TENM4: variants seen among roughly 807,000 people sequenced by gnomAD.
The protein encoded by TENM4 is teneurin transmembrane protein 4.
TENM4 carries 82 observed loss-of-function variants against 243.3 expected under a neutral mutation model. The observed-to-expected ratio is 0.34, with a 90% CI of 0.28 to 0.40. TENM4 has a LOEUF of 0.40. Ranked by LOEUF, TENM4 falls within the 10% of genes least tolerant of loss-of-function variation. TENM4 has a pLI of 1.00. For missense variants in TENM4, 3,138 were observed against 3,673.3 expected (o/e 0.85, Z 3.77); for synonymous variants, 1,412 against 1,456.3 (o/e 0.97, Z 0.69).
At chr11:78,756,561 C>T (rs1856309708) in intron 19 of TENM4, 1 of 496,168 alleles carries the variant, frequency 2.0e-6, no homozygotes, top group Admixed American at 3.3e-5. Flanking sequence ...TTCTCACTGT[C>T]TTCATCTGTC....
intron 7 of TENM4, among the ~76,000 whole-genome samples, chr11:78,901,582 G>T (rs1030016289): frequency 1.3e-5 from 2 of 152,122 alleles, no homozygotes; most frequent in Non-Finnish European, 2.9e-5. Context: ...ATCCTAAGTG[G>T]GAAAGATGAA....
chr11:79,228,646 G>GA (rs139884843), intron 2 of TENM4, among the ~76,000 whole-genome samples: 52 of 145,686 alleles, frequency 3.6e-4, no homozygotes, highest in East Asian at 6.0e-4. Flanking sequence ...TTCTGGAGAC[G>GA]AAAAAAAAAA....
chr11:78,903,184 T>C, intron 7 of TENM4, 84 bp downstream of exon 7: 1 of 1,426,940 alleles, frequency 7.0e-7, no homozygotes, highest in Non-Finnish European at 9.2e-7. Flanking sequence ...CTGGGGACAC[T>C]GAATGGCCCC....
intron 31 of TENM4, among the ~76,000 whole-genome samples, chr11:78,671,211 T>A (rs7108425): frequency 0.64 from 97,091 of 151,984 alleles, 31,946 homozygotes; most frequent in Non-Finnish European, 0.7. Flanking sequence ...CTAACAATAG[T>A]CTCCTTGTGT....
intron 18 of TENM4, among the ~76,000 whole-genome samples, chr11:78,767,297 G>A (rs980160244): frequency 2.0e-5 from 3 of 152,134 alleles, no homozygotes; most frequent in Non-Finnish European, 4.4e-5. Flanking sequence ...GGATAATAAG[G>A]CCACATTCCT....
At chr11:78,714,914 G>T (rs1017002945) in intron 25 of TENM4, among the ~76,000 whole-genome samples, 2 of 152,166 alleles carry the variant, frequency 1.3e-5, no homozygotes, top group African/African-American at 4.8e-5. Flanking sequence ...ATAATGCTGT[G>T]ACTGTTCATT....
intron 26 of TENM4, 149 bp from the exon 27 acceptor site, chr11:78,708,664 A>C (rs992919299): frequency 5.3e-5 from 51 of 968,260 alleles, no homozygotes; most frequent in East Asian, 4.5e-4. Context: ...AAAGAGGAGG[A>C]GTCTCAGGCT....
intron 1 of TENM4, among the ~76,000 whole-genome samples, chr11:79,358,667 C>T (rs1398863528): frequency 6.8e-6 from 1 of 146,038 alleles, no homozygotes; most frequent in East Asian, 2.0e-4. Flanking sequence ...TCTTTCTTCC[C>T]TTCTCCTTCC....
At chr11:79,198,172 C>A (rs953092971) in intron 3 of TENM4, among the ~76,000 whole-genome samples, 2 of 152,214 alleles carry the variant, frequency 1.3e-5, no homozygotes, top group African/African-American at 4.8e-5. Flanking sequence ...CTGCCCTAAT[C>A]TTTAGTTTCT....
chr11:78,934,058 C>T (rs1276098164), intron 6 of TENM4, among the ~76,000 whole-genome samples: 1 of 152,098 alleles, frequency 6.6e-6, no homozygotes, highest in Non-Finnish European at 1.5e-5. Flanking sequence ...GGGCAGTACT[C>T]AGGGCAGTAT....
intron 6 of TENM4, among the ~76,000 whole-genome samples, chr11:78,926,714 C>T (rs1452404858): frequency 2.1e-5 from 3 of 142,338 alleles, no homozygotes; most frequent in African/African-American, 8.3e-5. Flanking sequence ...ATAGCTTTAA[C>T]ATGAGATTTG....
intron 1 of TENM4, among the ~76,000 whole-genome samples, chr11:79,390,682 G>A (rs1271568974): frequency 6.6e-6 from 1 of 152,172 alleles, no homozygotes; most frequent in African/African-American, 2.4e-5. Flanking sequence ...TTCTCAGAAT[G>A]CCACATTAGT....
At position 78,702,027 on chromosome 11, in the gene TENM4, C is replaced by G; in HGVS notation, c.4586G>C (p.Gly1529Ala). The change falls in exon 28 of 34, where the codon GGT (glycine) becomes GCT (alanine). Residue 1529 changes from glycine to alanine, a missense_variant. By Grantham distance (60) the Gly-to-Ala change is moderately conservative. Transcript: ENST00000278550. ...ANCDCFSGDD[G>A]YAKDAKLNTP... is the part of the protein sequence containing the mutation. ...ATTTAACTTTGCATCCTTGGCATAA[C>G]CATCGTCTCCAGAAAAACAATCACA... The G allele has an allele frequency of 6.2e-7, 1 of 1,613,876 alleles. No individual in the cohort carries two copies. Among genetic ancestry groups the G allele is most frequent in the South Asian group, 1.1e-5 (1 of 91,058 alleles).
chr11:78,722,718 G>A lies in TENM4; in HGVS notation c.3750C>T (p.Tyr1250=), dbSNP rs370547855. The change falls in exon 24 of 34, where the codon TAC becomes TAT. Residue 1250 remains tyrosine (Y), a synonymous_variant. Coordinates refer to ENST00000278550, the MANE Select transcript of TENM4 (RefSeq NM_001098816.3). The part of the protein sequence containing the change: ...DGSLYVGDFN[Y]IRRIFPSGNV... ...TTCCAGAGGGGAAGATCCTTCTAAT[G>A]TAGTTGAAATCACCCACATAGAGGC... 7.4e-6 allele frequency: 12 copies of A among 1,613,960 alleles called. No homozygotes were observed. In the African/African-American group the frequency reaches 1.5e-4, roughly 20 times the overall value.
chr11:79,146,614 C>T (rs7103693), intron 4 of TENM4, among the ~76,000 whole-genome samples: 8,424 of 152,046 alleles, frequency 0.055, 337 homozygotes, highest in Non-Finnish European at 0.078. Context: ...TTTTATCTAA[C>T]GAGTTAACAC....
intron 3 of TENM4, among the ~76,000 whole-genome samples, chr11:79,159,782 T>C (rs1307821356): frequency 6.6e-6 from 1 of 152,184 alleles, no homozygotes; most frequent in East Asian, 1.9e-4. Flanking sequence ...TATTCTATTA[T>C]TTATTCATTT....
intron 6 of TENM4, among the ~76,000 whole-genome samples, chr11:78,940,177 T>C (rs904175779): frequency 9.9e-5 from 15 of 152,224 alleles, no homozygotes; most frequent in African/African-American, 3.6e-4. Context: ...ATACTGTATA[T>C]ACAGTTTATA....
At chr11:79,183,252 G>A (rs941030108) in intron 3 of TENM4, among the ~76,000 whole-genome samples, 5 of 152,168 alleles carry the variant, frequency 3.3e-5, no homozygotes, top group Admixed American at 2.6e-4. Flanking sequence ...ATCAAGCCAT[G>A]AAAAGACATG....
chr11:78,869,966 A>G (rs1859082384), intron 9 of TENM4, among the ~76,000 whole-genome samples: 1 of 152,160 alleles, frequency 6.6e-6, no homozygotes, highest in African/African-American at 2.4e-5. Flanking sequence ...GATCCCCACA[A>G]ACAAAAACCA....
Sources: gnomAD v4.1 joint callset for allele counts (sites outside exome capture counted in the v4.1 genomes callset) on GRCh38, gnomAD v4.1.1 for gene constraint, MANE v1.5 for transcripts, NCBI Gene and HGNC (gene_info 2026-07-23, HGNC 2026-07-21) for gene names.